Variants in MCF2 observed in about 807,000 individuals in gnomAD.
The protein encoded by MCF2 is proto-oncogene DBL.
A neutral mutation model predicts 82.5 loss-of-function variants in MCF2; 44 were observed. The observed-to-expected ratio is 0.53, with a 90% CI of 0.42 to 0.69. MCF2 has a LOEUF of 0.69. MCF2 is among the 30% of genes least tolerant of loss of function. MCF2 has a pLI of 0.00. For synonymous variants in MCF2, 217 were observed against 224.9 expected, an observed-to-expected ratio of 0.96 and a Z score of 0.32; for missense variants, 623 against 663.1, an observed-to-expected ratio of 0.94 and a Z score of 0.66.
At chrX:139,672,022 G>T (rs766106666) in intron 1 of MCF2, among the ~76,000 whole-genome samples, 1,533 of 111,176 alleles carry the variant, frequency 0.014, 24 homozygotes, top group African/African-American at 0.047. Context: ...CTTGAAGAGG[G>T]ACTTCACATC....
intron 1 of MCF2, among the ~76,000 whole-genome samples, chrX:139,693,706 T>C (rs1002423825): frequency 4.5e-5 from 5 of 112,014 alleles, no homozygotes; most frequent in African/African-American, 1.6e-4. Flanking sequence ...TCCGCACTAC[T>C]GTGGGTAGTA....
chrX:139,707,286 A>T (rs1037580935), intron 1 of MCF2, among the ~76,000 whole-genome samples: 2 of 111,086 alleles, frequency 1.8e-5, no homozygotes, highest in African/African-American at 6.6e-5. Context: ...GGTTCTTCAT[A>T]TAAACAGTCC....
intron 1 of MCF2, among the ~76,000 whole-genome samples, chrX:139,663,221 G>A (rs1036771589): frequency 1.8e-5 from 2 of 112,081 alleles, no homozygotes; most frequent in African/African-American, 6.5e-5. Flanking sequence ...AATCTCCATG[G>A]TATTTTCCAC....
In MCF2 at chrX:139,701,361, G is replaced by A. The variant is rs148947345; in HGVS notation, c.-45+6745C>T. 6.2e-5 allele frequency among the ~76,000 whole-genome samples: 7 copies of A among 112,027 alleles called. No individual in the cohort carries two copies. In the South Asian group the frequency reaches 2.3e-3, roughly 36 times the overall value. On this transcript the variant is annotated intron_variant, in intron 1 of 27. Transcript: ENST00000414978. Reference sequence around the variant, plus strand: ...ATTAATCAATCAAACACTAATCTGGGTGTCGCTGTAAGGTTTTTGTAGATA... The same window carrying A: ...ATTAATCAATCAAACACTAATCTGGATGTCGCTGTAAGGTTTTTGTAGATA...
intron 19 of MCF2, among the ~76,000 whole-genome samples, chrX:139,593,321 G>A (rs973494780): frequency 2.7e-5 from 3 of 109,260 alleles, no homozygotes; most frequent in African/African-American, 1.0e-4. Flanking sequence ...CAATTTTGTT[G>A]ATCCTTTCAA....
intron 6 of MCF2, among the ~76,000 whole-genome samples, chrX:139,619,992 T>C (rs993376417): frequency 1.1e-5 from 1 of 92,397 alleles, no homozygotes; most frequent in Non-Finnish European, 2.2e-5. Context: ...TAGGTATATA[T>C]ACATTTGTGT....
At chrX:139,698,211 T>C (rs1452217505) in intron 1 of MCF2, among the ~76,000 whole-genome samples, 8 of 112,388 alleles carry the variant, frequency 7.1e-5, no homozygotes, top group African/African-American at 2.6e-4. Flanking sequence ...GTGTAAAAAG[T>C]TTAAGAATAT....
chrX:139,663,150 G>T (rs1436887634), intron 1 of MCF2, among the ~76,000 whole-genome samples: 1 of 111,923 alleles, frequency 8.9e-6, no homozygotes, highest in Non-Finnish European at 1.9e-5. Flanking sequence ...TTTCATTTGG[G>T]TAGATACCCA....
At chrX:139,642,263 A>T (rs1282313740) in intron 1 of MCF2, among the ~76,000 whole-genome samples, 2 of 112,244 alleles carry the variant, frequency 1.8e-5, no homozygotes, top group African/African-American at 6.5e-5. Context: ...TTGAAATTAT[A>T]TTCTACCCCC....
upstream of MCF2, among the ~76,000 whole-genome samples, chrX:139,646,112 T>A (rs1933792154): frequency 9.0e-6 from 1 of 111,726 alleles, no homozygotes; most frequent in African/African-American, 3.2e-5. Context: ...TAATGGAAAA[T>A]ATAACTTCTA....
intron 16 of MCF2, among the ~76,000 whole-genome samples, chrX:139,600,874 A>G (rs1040054490): frequency 2.2e-4 from 25 of 111,884 alleles, no homozygotes; most frequent in Non-Finnish European, 4.1e-4. Flanking sequence ...TAGAAGAAAA[A>G]AAGCAAAGTG....
intron 1 of MCF2, among the ~76,000 whole-genome samples, chrX:139,658,672 T>G (rs1356676531): frequency 2.1e-5 from 2 of 93,293 alleles, no homozygotes; most frequent in Non-Finnish European, 4.3e-5. Context: ...GATGTGTTTT[T>G]TTTTTTTTTT....
Position 139,621,547 on chromosome X carries a change from C to T in MCF2, c.688-1841G>A, listed in dbSNP as rs149179084. 4.8e-3 allele frequency among the ~76,000 whole-genome samples: 533 copies of T among 111,375 alleles called. 3 individuals are homozygous for T. Among genetic ancestry groups the T allele is most frequent in the African/African-American group, 0.017 (512 of 30,708 alleles). On this transcript the variant is annotated intron_variant, in intron 6 of 24. Coordinates refer to ENST00000370576, the Ensembl canonical transcript of MCF2. ...AAAACACAGATATAGATCAATGGAACAGAACAGAGCACTCAGAAATAATGC... is the reference window on the plus strand; with the variant it reads ...AAAACACAGATATAGATCAATGGAATAGAACAGAGCACTCAGAAATAATGC...
exon 4 of MCF2, chrX:139,629,705 T>A (rs760143746): frequency 6.6e-6 from 8 of 1,208,668 alleles, no homozygotes; most frequent in Non-Finnish European, 9.0e-6. Context: ...CTTCAACAGA[T>A]GATACCTTTC....
chrX:139,687,035 G>A (rs894921893), intron 1 of MCF2, among the ~76,000 whole-genome samples: 15 of 85,289 alleles, frequency 1.8e-4, no homozygotes, highest in African/African-American at 6.1e-4. Context: ...ATGCAGGCAC[G>A]CATGCACACA....
chrX:139,604,272 T>C (rs755828092), intron 15 of MCF2, among the ~76,000 whole-genome samples: 1 of 109,663 alleles, frequency 9.1e-6, no homozygotes, highest in South Asian at 4.0e-4. Flanking sequence ...AAACTTTACA[T>C]GTATTTTAAT....
At chrX:139,585,381 TCTAA>T (rs58431715) in intron 23 of MCF2, among the ~76,000 whole-genome samples, 2,713 of 112,102 alleles carry the variant, frequency 0.024, 39 homozygotes, top group East Asian at 0.08. Flanking sequence ...GTCATCTTTT[TCTAA>T]CTTGGTTTCC....
In MCF2 at chrX:139,626,526, A is replaced by T. The variant is rs967987888; in HGVS notation, c.572+97T>A. On this transcript the variant is annotated intron_variant, in intron 5 of 24. Transcript: ENST00000370576. ...TAAGTTCTCAGATTTCCAGAGGTCC[A>T]GGAATACTTTAACACTTAACATATT... The T allele has an allele frequency of 3.5e-6, 3 of 858,470 alleles. No homozygotes were observed. In the African/African-American group the frequency reaches 6.1e-5, roughly 17 times the overall value. 70.7% of individuals were successfully genotyped at this position (858,470 alleles called of 1,213,427 possible).
intron 1 of MCF2, among the ~76,000 whole-genome samples, chrX:139,632,794 G>C (rs1413931275): frequency 9.0e-6 from 1 of 111,264 alleles, no homozygotes; most frequent in Non-Finnish European, 1.9e-5. Flanking sequence ...ATAGAATTAG[G>C]TGGCAGTTTC....
Sources: gnomAD v4.1 joint callset for allele counts (sites outside exome capture counted in the v4.1 genomes callset) on GRCh38, gnomAD v4.1.1 for gene constraint, MANE v1.5 for transcripts, NCBI Gene and HGNC (gene_info 2026-07-23, HGNC 2026-07-21) for gene names.